Variants in PPP1R12B observed in about 807,000 individuals in gnomAD.
PPP1R12B encodes myosin phosphatase target subunit 2.
In PPP1R12B, 76 loss-of-function variants were observed where a neutral mutation model predicts 126.1. The ratio of observed to expected loss-of-function variants is 0.60; its 90% CI spans 0.50 to 0.73. PPP1R12B has a LOEUF of 0.73. Ranked by LOEUF, PPP1R12B falls within the 30% of genes least tolerant of loss-of-function variation. The probability of loss-of-function intolerance (pLI) is 0.00; values close to 1 mark genes in which losing one functional copy is unlikely to be tolerated. For missense variants in PPP1R12B, 1,052 were observed against 1,205.1 expected, an observed-to-expected ratio of 0.87 and a Z score of 1.88; for synonymous variants, 356 against 434.7, an observed-to-expected ratio of 0.82 and a Z score of 2.25.
intron 18 of PPP1R12B, among the ~76,000 whole-genome samples, chr1:202,536,155 T>C (rs705747): frequency 0.53 from 81,327 of 152,024 alleles, 22,195 homozygotes; most frequent in East Asian, 0.71. Context: ...GATAGTAATA[T>C]GGTCACGAGT....
At chr1:202,437,688 T>A in intron 9 of PPP1R12B, 133 bp from the exon 10 acceptor site, 4 of 760,234 alleles carry the variant, frequency 5.3e-6, no homozygotes, top group Middle Eastern at 3.8e-4. Context: ...GCAGAAAGAC[T>A]GCCATGTATT....
intron 1 of PPP1R12B, among the ~76,000 whole-genome samples, chr1:202,362,798 A>G (rs1182331365): frequency 1.3e-5 from 2 of 152,010 alleles, no homozygotes; most frequent in Non-Finnish European, 2.9e-5. Flanking sequence ...TCCTGTCTCT[A>G]TAATGCACTT....
intron 13 of PPP1R12B, among the ~76,000 whole-genome samples, chr1:202,459,072 A>G (rs1021901772): frequency 6.6e-6 from 1 of 152,242 alleles, no homozygotes; most frequent in Non-Finnish European, 1.5e-5. Flanking sequence ...CCAATTGGCC[A>G]ATGATCAGTC....
chr1:202,563,982 C>T (rs934322777), intron 20 of PPP1R12B, among the ~76,000 whole-genome samples: 1 of 152,030 alleles, frequency 6.6e-6, no homozygotes, highest in African/African-American at 2.4e-5. Context: ...ATTGCTTGAG[C>T]CTGGGAGTTC....
At chr1:202,434,572 C>G in intron 8 of PPP1R12B, 84 bp from the exon 9 acceptor site, 1 of 1,505,746 alleles carries the variant, frequency 6.6e-7, no homozygotes, top group Non-Finnish European at 8.8e-7. Context: ...ATGGGCAAAT[C>G]TTTTCTATTA....
chr1:202,591,320 T>TGCCA lies in PPP1R12B; in HGVS notation c.*10762_*10765dup, dbSNP rs1457598342. The TGCCA allele has an allele frequency of 6.5e-6, 1 of 152,684 alleles. No individual in the cohort carries two copies. Among genetic ancestry groups the TGCCA allele is most frequent in the Non-Finnish European group, 1.5e-5 (1 of 68,378 alleles). 9.5% of individuals were successfully genotyped at this position (152,684 alleles called of 1,614,324 possible). On this transcript the variant is annotated 3_prime_UTR_variant, in exon 24 of 24. Transcript: ENST00000608999. ...TCTCCTTCCTCATACTTGTCACAGT[T>TGCCA]GCCAGGCCTGAGGCATCCTGGGCTC...
chr1:202,501,015 A>G (rs1472744983), intron 18 of PPP1R12B, among the ~76,000 whole-genome samples: 1 of 152,260 alleles, frequency 6.6e-6, no homozygotes, highest in Non-Finnish European at 1.5e-5. Flanking sequence ...TCCATGAACC[A>G]GTGAAACTAA....
chr1:202,556,622 G>T (rs1482368067), intron 18 of PPP1R12B, among the ~76,000 whole-genome samples: 1 of 152,096 alleles, frequency 6.6e-6, no homozygotes, highest in African/African-American at 2.4e-5. Flanking sequence ...GGTTTTCTTA[G>T]TTGGAGCCAA....
chr1:202,377,316 T>A (rs972112417), intron 1 of PPP1R12B, among the ~76,000 whole-genome samples: 1 of 151,680 alleles, frequency 6.6e-6, no homozygotes, highest in Non-Finnish European at 1.5e-5. Flanking sequence ...AGAAGGGTAG[T>A]ATCTTTTTTT....
At chr1:202,567,652 T>C (rs1402912593) in intron 21 of PPP1R12B, 126 bp from the exon 22 acceptor site, 2 of 935,608 alleles carry the variant, frequency 2.1e-6, no homozygotes, top group Non-Finnish European at 3.3e-6. Flanking sequence ...GGATCCCTGC[T>C]ATAGGGGAAG....
intron 18 of PPP1R12B, among the ~76,000 whole-genome samples, chr1:202,510,331 A>G (rs1372011181): frequency 6.6e-6 from 1 of 152,152 alleles, no homozygotes; most frequent in Admixed American, 6.5e-5. Flanking sequence ...ATTTGTTTAC[A>G]ATGTAGGTTT....
chr1:202,501,796 A>G, intron 18 of PPP1R12B: 4 of 951,524 alleles, frequency 4.2e-6, no homozygotes, highest in Non-Finnish European at 5.0e-6. Context: ...AGTGAAGCAA[A>G]CCTGAAATTA....
intron 1 of PPP1R12B, among the ~76,000 whole-genome samples, chr1:202,355,889 G>A (rs1443273114): frequency 6.6e-6 from 1 of 152,188 alleles, no homozygotes; most frequent in East Asian, 1.9e-4. Context: ...TCCTATAGGT[G>A]TTTAGCATGG....
intron 19 of PPP1R12B, among the ~76,000 whole-genome samples, chr1:202,559,612 A>G (rs1022044681): frequency 2.6e-5 from 4 of 152,190 alleles, no homozygotes; most frequent in African/African-American, 7.2e-5. Flanking sequence ...TTCTTTTTCT[A>G]CTGTTACTCT....
intron 1 of PPP1R12B, among the ~76,000 whole-genome samples, chr1:202,382,758 C>T (rs1341258188): frequency 6.6e-6 from 1 of 151,750 alleles, no homozygotes; most frequent in Non-Finnish European, 1.5e-5. Flanking sequence ...CACCTGTAAT[C>T]CTAGCTGCTC....
At chr1:202,397,524 G>A (rs545282315) in intron 1 of PPP1R12B, among the ~76,000 whole-genome samples, 1 of 152,286 alleles carries the variant, frequency 6.6e-6, no homozygotes, top group South Asian at 2.1e-4. Flanking sequence ...GCTATCACCA[G>A]TATTATGATA....
intron 1 of PPP1R12B, among the ~76,000 whole-genome samples, chr1:202,401,859 C>T (rs888962922): frequency 3.9e-5 from 6 of 152,150 alleles, no homozygotes; most frequent in African/African-American, 1.4e-4. Context: ...AGAGTTTGGG[C>T]TTGAGGACAC....
intron 13 of PPP1R12B, among the ~76,000 whole-genome samples, chr1:202,469,254 T>G (rs1675506742): frequency 6.6e-6 from 1 of 152,236 alleles, no homozygotes; most frequent in African/African-American, 2.4e-5. Flanking sequence ...CACTTTTTTT[T>G]GTTATAATCT....
At chr1:202,429,862 G>T (rs1669985395) in intron 6 of PPP1R12B, among the ~76,000 whole-genome samples, 1 of 152,174 alleles carries the variant, frequency 6.6e-6, no homozygotes, top group East Asian at 1.9e-4. Flanking sequence ...AATCTCTGTT[G>T]TGTTCAGCAT....
Sources: gnomAD v4.1 joint callset for allele counts (sites outside exome capture counted in the v4.1 genomes callset) on GRCh38, gnomAD v4.1.1 for gene constraint, MANE v1.5 for transcripts, NCBI Gene and HGNC (gene_info 2026-07-23, HGNC 2026-07-21) for gene names.